The following ANKRD44 variants were observed in gnomAD, a reference collection of about 807,000 sequenced individuals.
ANKRD44 encodes the protein ankyrin repeat domain 44, also known as serine/threonine-protein phosphatase 6 regulatory ankyrin repeat subunit B.
ANKRD44 carries 35 observed loss-of-function variants against 116.0 expected under a neutral mutation model. That is an observed-to-expected ratio of 0.30 (90% confidence interval 0.23 to 0.40). The LOEUF is 0.40. Ranked by LOEUF, ANKRD44 falls within the 10% of genes least tolerant of loss-of-function variation. ANKRD44 has a pLI of 1.00. For synonymous variants in ANKRD44, 435 were observed against 461.8 expected (o/e 0.94, Z 0.74); for missense variants, 1,014 against 1,242.6 (o/e 0.82, Z 2.77).
intron 1 of ANKRD44, among the ~76,000 whole-genome samples, chr2:197,270,952 T>A (rs1307588481): frequency 1.3e-5 from 2 of 152,104 alleles, no homozygotes; most frequent in African/African-American, 4.8e-5. Flanking sequence ...TCAACCCAGG[T>A]CATACACATA....
chr2:197,016,530 A>T (rs1287196458), intron 17 of ANKRD44, among the ~76,000 whole-genome samples: 3 of 152,244 alleles, frequency 2.0e-5, no homozygotes, highest in Non-Finnish European at 4.4e-5. Flanking sequence ...ATTAAAGTTA[A>T]CTGTAAAGAA....
intron 9 of ANKRD44, among the ~76,000 whole-genome samples, chr2:197,103,227 CAAAA>C (rs59073157): frequency 5.8e-5 from 6 of 103,008 alleles, no homozygotes; most frequent in Non-Finnish European, 4.1e-5. Context: ...GACTCCATCT[CAAAA>C]AAAAAAAAAA....
intron 1 of ANKRD44, among the ~76,000 whole-genome samples, chr2:197,192,849 A>C (rs941462444): frequency 6.6e-6 from 1 of 152,220 alleles, no homozygotes; most frequent in Non-Finnish European, 1.5e-5. Context: ...CTTAAGTACC[A>C]TAAGGACAAT....
At chr2:197,094,753 T>G (rs2078123649) in intron 10 of ANKRD44, among the ~76,000 whole-genome samples, 1 of 152,214 alleles carries the variant, frequency 6.6e-6, no homozygotes, top group African/African-American at 2.4e-5. Flanking sequence ...AACAAACCAA[T>G]TTCTTATGAA....
intron 17 of ANKRD44, among the ~76,000 whole-genome samples, chr2:197,021,720 T>C (rs888576911): frequency 6.6e-6 from 1 of 152,364 alleles, no homozygotes; most frequent in Non-Finnish European, 1.5e-5. Context: ...GTTTACAGAA[T>C]ATGTGAGCTG....
intron 16 of ANKRD44, among the ~76,000 whole-genome samples, chr2:197,052,772 T>G (rs1488765483): frequency 2.6e-5 from 4 of 152,228 alleles, no homozygotes; most frequent in African/African-American, 4.8e-5. Context: ...AAATATTCCT[T>G]GTGCTGAAGT....
At chr2:197,140,762 C>A (rs181465882) in intron 3 of ANKRD44, among the ~76,000 whole-genome samples, 1 of 152,156 alleles carries the variant, frequency 6.6e-6, no homozygotes, top group African/African-American at 2.4e-5. Context: ...CAAAGGGACA[C>A]GAGGAAACTT....
At chr2:197,161,253 C>T (rs990257087) in intron 2 of ANKRD44, among the ~76,000 whole-genome samples, 1 of 152,226 alleles carries the variant, frequency 6.6e-6, no homozygotes, top group Non-Finnish European at 1.5e-5. Context: ...ATGGGAGATG[C>T]ATCTCTACCT....
chr2:197,202,255 A>T (rs2081108631), intron 1 of ANKRD44, among the ~76,000 whole-genome samples: 1 of 152,234 alleles, frequency 6.6e-6, no homozygotes, highest in Admixed American at 6.5e-5. Context: ...ATGCGCCAGG[A>T]GTCCTGGTCT....
At chr2:196,993,978 G>GC (rs1394276068) in intron 26 of ANKRD44, among the ~76,000 whole-genome samples, 1 of 152,154 alleles carries the variant, frequency 6.6e-6, no homozygotes, top group Admixed American at 6.5e-5. Flanking sequence ...TTTGCAGAAG[G>GC]CCCTTTACTG....
chr2:197,033,827 C>T (rs2076754960), intron 16 of ANKRD44, among the ~76,000 whole-genome samples: 1 of 151,950 alleles, frequency 6.6e-6, no homozygotes, highest in South Asian at 2.1e-4. Flanking sequence ...TAAGTAGTCC[C>T]CTTCCTTTAG....
chr2:197,285,199 G>A (rs1299746101), intron 1 of ANKRD44, among the ~76,000 whole-genome samples: 2 of 151,970 alleles, frequency 1.3e-5, no homozygotes, highest in Non-Finnish European at 2.9e-5. Context: ...TGGACCCATT[G>A]AGCCAAACTG....
chr2:197,075,712 A>G (rs1204790912), intron 16 of ANKRD44, among the ~76,000 whole-genome samples: 1 of 152,220 alleles, frequency 6.6e-6, no homozygotes, highest in Non-Finnish European at 1.5e-5. Context: ...TAAAACAACT[A>G]TAATAATTTC....
At chr2:197,159,074 C>T (rs922012857) in intron 2 of ANKRD44, among the ~76,000 whole-genome samples, 5 of 152,148 alleles carry the variant, frequency 3.3e-5, no homozygotes, top group Non-Finnish European at 5.9e-5. Context: ...AAAGGAGATG[C>T]TCAAAGGCAT....
chr2:197,045,889 T>C (rs2076992831), intron 16 of ANKRD44, among the ~76,000 whole-genome samples: 1 of 152,152 alleles, frequency 6.6e-6, no homozygotes, highest in Admixed American at 6.5e-5. Context: ...GTAAACTGTC[T>C]TTAAAATACA....
chr2:197,099,583 T>A, intron 10 of ANKRD44: 1 of 1,215,192 alleles, frequency 8.2e-7, no homozygotes, highest in Non-Finnish European at 1.0e-6. Flanking sequence ...GTTTCCTTAA[T>A]TAAAACCACT....
At chr2:197,011,417 T>C (rs1364110792) in intron 18 of ANKRD44, among the ~76,000 whole-genome samples, 3 of 152,102 alleles carry the variant, frequency 2.0e-5, no homozygotes, top group Non-Finnish European at 4.4e-5. Context: ...GCTTTTGTTT[T>C]GTTTTGTTTT....
downstream of ANKRD44, among the ~76,000 whole-genome samples, chr2:196,982,333 G>A (rs535966632): frequency 2.0e-5 from 3 of 152,092 alleles, no homozygotes; most frequent in East Asian, 3.9e-4. Flanking sequence ...CAGAGTGGGC[G>A]CTGGTGAGCT....
chr2:197,115,028 C>T (rs571936278), intron 8 of ANKRD44, among the ~76,000 whole-genome samples: 1 of 152,310 alleles, frequency 6.6e-6, no homozygotes, highest in South Asian at 2.1e-4. Flanking sequence ...ACTTCTCCAA[C>T]ACAACCTATT....
Sources: gnomAD v4.1 joint callset for allele counts (sites outside exome capture counted in the v4.1 genomes callset) on GRCh38, gnomAD v4.1.1 for gene constraint, MANE v1.5 for transcripts, NCBI Gene and HGNC (gene_info 2026-07-23, HGNC 2026-07-21) for gene names.